SPMIP2: variants seen among roughly 807,000 people sequenced by gnomAD.
SPMIP2 encodes the protein protein SPMIP2.
At chr4:158,995,855 C>CAAAAA in the SPMIP2 span, among the ~76,000 whole-genome samples, 3 of 70,762 alleles carry the variant, frequency 4.2e-5, no homozygotes, top group African/African-American at 1.1e-4. Flanking sequence ...GACTCCATCT[C>CAAAAA]AAAAAAAAAA....
At chr4:158,920,623 A>G in the SPMIP2 span, among the ~76,000 whole-genome samples, 1 of 152,152 alleles carries the variant, frequency 6.6e-6, no homozygotes, top group African/African-American at 2.4e-5. Context: ...CCGCCCTGGT[A>G]AATTTGTGGT....
the SPMIP2 span, among the ~76,000 whole-genome samples, chr4:158,898,634 C>CTGTT: frequency 6.6e-6 from 1 of 151,908 alleles, no homozygotes. Flanking sequence ...ATTTGGCTCT[C>CTGTT]TGTCTGTTAT....
the SPMIP2 span, among the ~76,000 whole-genome samples, chr4:158,962,897 C>T: frequency 0.13 from 19,141 of 152,178 alleles, 1,984 homozygotes; most frequent in African/African-American, 0.28. Flanking sequence ...GAGACCCATA[C>T]GTACTTCATT....
chr4:159,080,180 G>A, the SPMIP2 span, among the ~76,000 whole-genome samples: 21 of 151,336 alleles, frequency 1.4e-4, no homozygotes, highest in African/African-American at 3.2e-4. Context: ...AGATATATGC[G>A]TTCTGATACA....
At chr4:158,946,026 C>G in the SPMIP2 span, among the ~76,000 whole-genome samples, 3 of 152,270 alleles carry the variant, frequency 2.0e-5, no homozygotes, top group East Asian at 5.8e-4. Context: ...AGATACAGGT[C>G]TCTCCAAAAT....
chr4:159,024,244 G>T, the SPMIP2 span, among the ~76,000 whole-genome samples: 2 of 152,174 alleles, frequency 1.3e-5, no homozygotes, highest in South Asian at 4.1e-4. Context: ...CATTATTCTT[G>T]AAGACATGGA....
At chr4:158,947,161 A>ATTTTTTTG in the SPMIP2 span, among the ~76,000 whole-genome samples, 2 of 152,296 alleles carry the variant, frequency 1.3e-5, no homozygotes, top group African/African-American at 4.8e-5. Flanking sequence ...AAATCGCAGA[A>ATTTTTTTG]CTTTGCTACT....
the SPMIP2 span, among the ~76,000 whole-genome samples, chr4:158,996,113 A>G: frequency 1.1e-4 from 16 of 152,200 alleles, no homozygotes; most frequent in African/African-American, 3.9e-4. Flanking sequence ...AAGCAAATGC[A>G]TAGTAATATT....
chr4:158,897,193 A>T, the SPMIP2 span, among the ~76,000 whole-genome samples: 4 of 152,226 alleles, frequency 2.6e-5, no homozygotes, highest in Non-Finnish European at 1.5e-5. Flanking sequence ...ATGGTTGCAT[A>T]GTATTCCATG....
the SPMIP2 span, among the ~76,000 whole-genome samples, chr4:159,052,616 T>TTAC: frequency 1.3e-5 from 2 of 150,720 alleles, no homozygotes; most frequent in Admixed American, 6.6e-5. Flanking sequence ...AAGACTATTA[T>TTAC]TATTATTATT....
chr4:158,920,872 T>C, the SPMIP2 span, among the ~76,000 whole-genome samples: 1 of 152,224 alleles, frequency 6.6e-6, no homozygotes, highest in Admixed American at 6.5e-5. Flanking sequence ...TCTTTGTACC[T>C]ACTCTGTTCT....
chr4:158,995,638 C>CGGCCTG, the SPMIP2 span, among the ~76,000 whole-genome samples: 1 of 152,038 alleles, frequency 6.6e-6, no homozygotes, highest in Non-Finnish European at 1.5e-5. Context: ...GCAGGTGGAT[C>CGGCCTG]ACAAGGTCAA....
At chr4:159,058,449 T>C in the SPMIP2 span, among the ~76,000 whole-genome samples, 3 of 152,194 alleles carry the variant, frequency 2.0e-5, no homozygotes, top group African/African-American at 7.2e-5. Context: ...GTATTTGACA[T>C]TGAATGAAAG....
chr4:158,927,567 C>T, the SPMIP2 span, among the ~76,000 whole-genome samples: 22 of 152,224 alleles, frequency 1.4e-4, no homozygotes, highest in African/African-American at 3.9e-4. Flanking sequence ...CCCTCGCTCT[C>T]GGCGCCTCCT....
At chr4:158,975,697 G>A in the SPMIP2 span, among the ~76,000 whole-genome samples, 1 of 152,148 alleles carries the variant, frequency 6.6e-6, no homozygotes, top group African/African-American at 2.4e-5. Context: ...TTTTGGTTAT[G>A]TAGCCTTGTA....
chr4:158,931,847 G>A, the SPMIP2 span, among the ~76,000 whole-genome samples: 18 of 152,026 alleles, frequency 1.2e-4, no homozygotes, highest in African/African-American at 3.6e-4. Flanking sequence ...ACAGGTGTGA[G>A]CCACTGCATC....
chr4:158,972,972 G>A, the SPMIP2 span: 2 of 733,840 alleles, frequency 2.7e-6, no homozygotes, highest in Non-Finnish European at 4.4e-6. Context: ...ACCTCATTAT[G>A]TCTCAATGAG....
At chr4:158,972,844 A>G in the SPMIP2 span, among the ~76,000 whole-genome samples, 2 of 152,222 alleles carry the variant, frequency 1.3e-5, no homozygotes, top group Non-Finnish European at 2.9e-5. Flanking sequence ...GACAAACACA[A>G]ACGCTTTTGG....
chr4:158,993,813 G>C, the SPMIP2 span, among the ~76,000 whole-genome samples: 1 of 152,172 alleles, frequency 6.6e-6, no homozygotes, highest in Non-Finnish European at 1.5e-5. Flanking sequence ...GCTGCCAAGA[G>C]TGATTTAAAA....
Sources: gnomAD v4.1 joint callset for allele counts (sites outside exome capture counted in the v4.1 genomes callset) on GRCh38, gnomAD v4.1.1 for gene constraint, MANE v1.5 for transcripts, NCBI Gene and HGNC (gene_info 2026-07-23, HGNC 2026-07-21) for gene names.